Variants in SLC22A3 observed in about 807,000 individuals in gnomAD.
The protein encoded by SLC22A3 is solute carrier family 22 member 3.
Under a neutral mutation model 59.1 loss-of-function variants are expected in SLC22A3, and 51 were observed. That is an observed-to-expected ratio of 0.86 (90% confidence interval 0.69 to 1.09). The LOEUF is 1.09. SLC22A3 is among the 50% of genes least tolerant of loss of function. SLC22A3 has a pLI of 0.00. For missense variants in SLC22A3, 711 were observed against 726.3 expected, an observed-to-expected ratio of 0.98 and a Z score of 0.24; for synonymous variants, 325 against 292.0, an observed-to-expected ratio of 1.11 and a Z score of -1.15.
At chr6:160,443,971 G>T (rs777786605) in intron 9 of SLC22A3, among the ~76,000 whole-genome samples, 1 of 152,116 alleles carries the variant, frequency 6.6e-6, no homozygotes, top group South Asian at 2.1e-4. Context: ...ATATTAAAGG[G>T]TGCTGATAAA....
intron 2 of SLC22A3, among the ~76,000 whole-genome samples, chr6:160,406,810 A>C (rs1787031873): frequency 6.6e-6 from 1 of 152,210 alleles, no homozygotes; most frequent in South Asian, 2.1e-4. Context: ...AGTTTCAAGG[A>C]GGGTCATCTT....
chr6:160,426,324 T>TA, intron 5 of SLC22A3: 1 of 985,370 alleles, frequency 1.0e-6, no homozygotes, highest in Non-Finnish European at 1.2e-6. Flanking sequence ...TTGTGGTTCT[T>TA]GTGGTTTTGG....
At chr6:160,379,843 A>G (rs958707043) in intron 1 of SLC22A3, among the ~76,000 whole-genome samples, 3 of 152,220 alleles carry the variant, frequency 2.0e-5, no homozygotes, top group African/African-American at 7.2e-5. Context: ...TTGAATCTGG[A>G]CAGGCTTCTT....
chr6:160,411,532 T>C (rs955263387), intron 5 of SLC22A3, among the ~76,000 whole-genome samples: 12 of 152,118 alleles, frequency 7.9e-5, no homozygotes, highest in African/African-American at 2.7e-4. Flanking sequence ...GAGCCTAGAA[T>C]TCTAGACCAG....
chr6:160,386,951 C>A lies in SLC22A3; in HGVS notation c.430-11028C>A, dbSNP rs537754068. On this transcript the variant is annotated intron_variant, in intron 1 of 10. Coordinates refer to ENST00000275300, the MANE Select transcript of SLC22A3 (RefSeq NM_021977.4). ...GGCCACCTCACTGTCATGCAGCCAC[C>A]AGGACAGCCAGATCCCTGCTCCAAG... Among the ~76,000 whole-genome samples the A allele has an allele frequency of 3.3e-5, 5 of 152,322 alleles. 1 individual carries two copies. The South Asian group carries it at 1.0e-3, about 32-fold the overall frequency.
At chr6:160,354,473 A>T (rs1784763518) in intron 1 of SLC22A3, among the ~76,000 whole-genome samples, 1 of 152,094 alleles carries the variant, frequency 6.6e-6, no homozygotes, top group Admixed American at 6.5e-5. Context: ...GCCAGATTTG[A>T]CCCTGGAGCT....
At position 160,410,855 on chromosome 6, in the gene SLC22A3, T is replaced by G. The variant is rs1439768043; in HGVS notation, c.975+9T>G. On this transcript the variant is annotated intron_variant, in intron 5 of 10. Transcript: ENST00000275300. ...CATCAAATTACTCAGAGGTAATTTC[T>G]TTCAGTATGAGTAACAAATATTGCT... 2.0e-6 allele frequency: 3 copies of G among 1,505,566 alleles called. No homozygotes were observed. The African/African-American group carries it at 4.1e-5, about 21-fold the overall frequency. 93.3% of individuals were successfully genotyped at this position (1,505,566 alleles called of 1,614,324 possible). A position where few individuals can be genotyped will look rare whatever the true frequency, so the allele number is the denominator to read the frequency against.
intron 3 of SLC22A3, among the ~76,000 whole-genome samples, chr6:160,408,014 G>C (rs533582059): frequency 6.6e-6 from 1 of 152,174 alleles, no homozygotes; most frequent in Non-Finnish European, 1.5e-5. Flanking sequence ...TAGAGGGATT[G>C]GTTGTCACTG....
intron 1 of SLC22A3, among the ~76,000 whole-genome samples, chr6:160,383,016 A>T (rs1004251536): frequency 6.6e-6 from 1 of 152,210 alleles, no homozygotes; most frequent in South Asian, 2.1e-4. Context: ...AAAGAAAAAA[A>T]TACCCACAAA....
chr6:160,427,537 C>T (rs1356772501), intron 5 of SLC22A3, among the ~76,000 whole-genome samples: 1 of 152,188 alleles, frequency 6.6e-6, no homozygotes, highest in Non-Finnish European at 1.5e-5. Context: ...TGGAACAGTT[C>T]CCTCAGCTGG....
chr6:160,398,496 T>A (rs1396623639), intron 2 of SLC22A3, among the ~76,000 whole-genome samples: 1 of 151,542 alleles, frequency 6.6e-6, no homozygotes. Flanking sequence ...TTTCACCTAA[T>A]TTTTTTTTAA....
intron 10 of SLC22A3, among the ~76,000 whole-genome samples, chr6:160,448,142 G>A (rs1333256584): frequency 6.6e-6 from 1 of 152,186 alleles, no homozygotes; most frequent in East Asian, 1.9e-4. Flanking sequence ...TACAGCAGCA[G>A]GGGATTAACA....
chr6:160,433,955 A>C (rs1788249207), intron 5 of SLC22A3, among the ~76,000 whole-genome samples: 1 of 152,222 alleles, frequency 6.6e-6, no homozygotes, highest in South Asian at 2.1e-4. Context: ...AAAGCAAAGA[A>C]AAAAGTATTG....
At chr6:160,389,796 A>G (rs377096738) in intron 1 of SLC22A3, among the ~76,000 whole-genome samples, 3 of 152,192 alleles carry the variant, frequency 2.0e-5, no homozygotes, top group African/African-American at 7.2e-5. Flanking sequence ...GCTGAGAGCA[A>G]CAAAACCCAT....
chr6:160,387,359 C>T (rs929080022), intron 1 of SLC22A3, among the ~76,000 whole-genome samples: 15 of 152,270 alleles, frequency 9.9e-5, no homozygotes, highest in African/African-American at 3.6e-4. Context: ...AGGAGTCTGA[C>T]CCCCGGCTTT....
chr6:160,366,486 C>T (rs1050702680), intron 1 of SLC22A3, among the ~76,000 whole-genome samples: 1 of 152,194 alleles, frequency 6.6e-6, no homozygotes, highest in Non-Finnish European at 1.5e-5. Flanking sequence ...GAGTGTGTGG[C>T]TTTTCTAGGC....
chr6:160,427,205 C>T lies in SLC22A3; in HGVS notation c.976-9575C>T, dbSNP rs908764299. On this transcript the variant is annotated intron_variant, in intron 5 of 10. Transcript: ENST00000275300. ...GAGGGCAACGCAGAGACCCCACTGC[C>T]GACTTGCCAAGAAAACGTGCAGGAA... 7.2e-5 allele frequency among the ~76,000 whole-genome samples: 11 copies of T among 152,194 alleles called. No homozygotes were observed. The East Asian group carries it at 9.7e-4, about 13-fold the overall frequency.
chr6:160,389,599 T>TCTACC (rs969482150), intron 1 of SLC22A3, among the ~76,000 whole-genome samples: 1 of 152,224 alleles, frequency 6.6e-6, no homozygotes, highest in Admixed American at 6.5e-5. Context: ...TCTCTCCTCC[T>TCTACC]AGCCCACTGG....
chr6:160,407,205 T>G lies in SLC22A3; in HGVS notation c.688+10T>G. 6.3e-7 allele frequency: 1 copy of G among 1,590,666 alleles called. No homozygotes were observed. Among genetic ancestry groups the G allele is most frequent in the Non-Finnish European group, 8.6e-7 (1 of 1,169,562 alleles). Reference sequence around the variant, plus strand: ...ACTTGCTACGTGATTGGTAAGACATTCTTACACCATCTTCTCTATTTGGAA... The same window carrying G: ...ACTTGCTACGTGATTGGTAAGACATGCTTACACCATCTTCTCTATTTGGAA... On this transcript the variant is annotated intron_variant, in intron 3 of 10. Transcript: ENST00000275300.
Sources: allele counts gnomAD v4.1 joint callset (sites outside exome capture counted in the v4.1 genomes callset), GRCh38; gene constraint gnomAD v4.1.1; transcripts MANE v1.5; gene names NCBI Gene and HGNC (gene_info 2026-07-23, HGNC 2026-07-21).